Variants in DUOX1 observed in about 807,000 individuals in gnomAD.
DUOX1 encodes the protein dual oxidase 1.
DUOX1 carries 134 observed loss-of-function variants against 181.8 expected under a neutral mutation model. The ratio of observed to expected loss-of-function variants is 0.74; its 90% CI spans 0.64 to 0.85. The LOEUF (loss-of-function observed/expected upper bound fraction) is 0.85. DUOX1 is among the 40% of genes least tolerant of loss of function. DUOX1 has a pLI of 0.00. For synonymous variants in DUOX1, 798 were observed against 832.5 expected, an observed-to-expected ratio of 0.96 and a Z score of 0.71; for missense variants, 1,814 against 2,064.4, an observed-to-expected ratio of 0.88 and a Z score of 2.35.
chr15:45,139,237 A>T (rs1310955163), intron 11 of DUOX1, 69 bp downstream of exon 11: 1 of 1,610,684 alleles, frequency 6.2e-7, no homozygotes, highest in Admixed American at 1.7e-5. Flanking sequence ...CTGGACTTCC[A>T]GAACCAGGTA....
At chr15:45,147,262 G>A (rs1056381332) in intron 18 of DUOX1, among the ~76,000 whole-genome samples, 171 bp from the exon 19 acceptor site, 1 of 152,218 alleles carries the variant, frequency 6.6e-6, no homozygotes, top group Non-Finnish European at 1.5e-5. Flanking sequence ...AGCTAAGGCA[G>A]AGGGTCAGGG....
chr15:45,150,814 T>C (rs8041911), intron 22 of DUOX1, 113 bp downstream of exon 22: 217,622 of 1,023,650 alleles, frequency 0.21, 24,975 homozygotes, highest in Middle Eastern at 0.34. Context: ...TCAAACAAAT[T>C]AGAAAAGGAC....
chr15:45,153,643 A>G (rs1408760575), intron 26 of DUOX1, 164 bp downstream of exon 26: 2 of 765,200 alleles, frequency 2.6e-6, no homozygotes, highest in African/African-American at 1.7e-5. Context: ...GACCAGCCTG[A>G]GCCCCTAATG....
At position 45,162,370 on chromosome 15, in the gene DUOX1, G is replaced by A; in HGVS notation, c.4241G>A (p.Cys1414Tyr). 6.8e-6 allele frequency: 11 copies of A among 1,613,634 alleles called. No homozygotes were observed. Among genetic ancestry groups the A allele is most frequent in the Non-Finnish European group, 8.5e-6 (10 of 1,179,752 alleles). ...TCATCCGTCAGCTGCCAAGTGTTCTGTAAGAAGGTGAGTACTGCCCCCACT... is the reference window on the plus strand; with the variant it reads ...TCATCCGTCAGCTGCCAAGTGTTCTATAAGAAGGTGAGTACTGCCCCCACT... ...FKSSVSCQVF[C>Y]KKIYFIWVTR... The change falls in exon 31 of 34, where the codon TGT becomes TAT. Residue 1414 changes from cysteine (C) to tyrosine (Y), a missense_variant. Coordinates refer to ENST00000389037, the MANE Select transcript of DUOX1 (RefSeq NM_175940.3).
At chr15:45,133,756 C>T (rs949139491) in intron 2 of DUOX1, 108 bp from the exon 3 acceptor site, 1 of 942,564 alleles carries the variant, frequency 1.1e-6, no homozygotes, top group African/African-American at 1.6e-5. Context: ...CAGGTATCCA[C>T]TTTCTGCTGC....
chr15:45,134,286 G>A lies in DUOX1; in HGVS notation c.284G>A (p.Arg95His), dbSNP rs368066909. The A allele has an allele frequency of 2.7e-5, 44 of 1,603,248 alleles. No individual in the cohort carries two copies. Among genetic ancestry groups the A allele is most frequent in the African/African-American group, 1.5e-4 (11 of 73,992 alleles). Residue 95 changes from arginine to histidine, a missense_variant, in exon 4 of 34, where the codon CGC becomes CAC. Arg to His is a conservative substitution (Grantham distance 29). This residue lies in a region of DUOX1 where 320 missense variants were observed against 313.1 expected (regional missense o/e 1.02). Transcript: ENST00000389037. ...GPAGLASLRN[R>H]TVLGVFFGYH... Reference sequence around the variant, plus strand: ...GCAGGGCTGGCCTCCCTGAGAAACCGCACAGTGTTGGGGGTCTTCTTTGGT... The same window carrying A: ...GCAGGGCTGGCCTCCCTGAGAAACCACACAGTGTTGGGGGTCTTCTTTGGT...
At chr15:45,138,138 C>T (rs1483893504) in intron 10 of DUOX1, 124 bp downstream of exon 10, 9 of 632,536 alleles carry the variant, frequency 1.4e-5, no homozygotes, top group Non-Finnish European at 1.9e-5. Context: ...GTAAGGCTGA[C>T]GCAGGTAGCT....
chr15:45,164,725 G>C, intron 33 of DUOX1, 54 bp from the exon 34 acceptor site: 1 of 1,611,364 alleles, frequency 6.2e-7, no homozygotes, highest in Non-Finnish European at 8.5e-7. Context: ...TGAACACTGC[G>C]TTATCCCTGC....
intron 27 of DUOX1, among the ~76,000 whole-genome samples, chr15:45,154,594 GGT>G (rs1491501845): frequency 2.7e-5 from 1 of 36,910 alleles, no homozygotes; most frequent in Non-Finnish European, 7.6e-5. Flanking sequence ...AACACAGCAT[GGT>G]TTTTTTTTTT....
intron 22 of DUOX1, 27 bp downstream of exon 22, chr15:45,150,728 G>T (rs1896779706): frequency 1.2e-6 from 2 of 1,610,324 alleles, no homozygotes; most frequent in African/African-American, 1.3e-5. Flanking sequence ...GAATGTCGGG[G>T]GGAGGAGTTG....
intron 17 of DUOX1, among the ~76,000 whole-genome samples, 161 bp downstream of exon 17, chr15:45,144,396 T>C (rs1318084437): frequency 1.3e-5 from 2 of 152,222 alleles, no homozygotes; most frequent in African/African-American, 4.8e-5. Context: ...AGAGATAAAC[T>C]TGGACACGTT....
chr15:45,145,754 A>T (rs1896636736), intron 18 of DUOX1, among the ~76,000 whole-genome samples: 1 of 152,064 alleles, frequency 6.6e-6, no homozygotes, highest in Admixed American at 6.5e-5. Flanking sequence ...GTCTCTACTA[A>T]AAATACAAAA....
chr15:45,141,370 C>A lies in DUOX1; in HGVS notation c.1644C>A (p.Asp548Glu). 1.2e-6 allele frequency: 2 copies of A among 1,614,222 alleles called. No individual in the cohort carries two copies. The highest frequency in any genetic ancestry group is 1.7e-6 in the Non-Finnish European group (2 of 1,180,042). The change falls in exon 14 of 34, where the codon GAC (aspartate) becomes GAA (glutamate). Residue 548 changes from aspartate (D) to glutamate (E), a missense_variant. This residue lies in a region of DUOX1 where 1,064 missense variants were observed against 1,152.9 expected (regional missense o/e 0.92). Transcript: ENST00000389037. ...QDVLVAVINI[D>E]PSALQPNVFV... ...TGCTGGTCGCTGTTATCAACATTGA[C>A]CCCAGTGCTCTGCAGCCCAATGTCT...
intron 10 of DUOX1, 85 bp downstream of exon 10, chr15:45,138,099 TGTGTGTGA>T (rs1896382152): frequency 3.8e-6 from 4 of 1,053,832 alleles, no homozygotes; most frequent in East Asian, 2.9e-5. Flanking sequence ...TGTGTGTGTG[TGTGTGTGA>T]GTGCATGGTG....
At chr15:45,151,005 C>T in intron 22 of DUOX1, 118 bp from the exon 23 acceptor site, 1 of 1,421,722 alleles carries the variant, frequency 7.0e-7, no homozygotes, top group East Asian at 2.3e-5. Flanking sequence ...ATCCTGCTGT[C>T]CCCTTGCTGA....
chr15:45,161,255 A>G (rs958358995), intron 29 of DUOX1, among the ~76,000 whole-genome samples: 2 of 151,428 alleles, frequency 1.3e-5, no homozygotes, highest in African/African-American at 4.9e-5. Flanking sequence ...CTACCACAAA[A>G]AAAAAATACA....
intron 26 of DUOX1, 69 bp downstream of exon 26, chr15:45,153,548 A>G (rs1706805): frequency 0.15 from 30,225 of 206,906 alleles, 6,596 homozygotes; most frequent in Non-Finnish European, 0.2. Context: ...GTGTGTGTGT[A>G]TAATGGGGAG....
rs574323638 is a variant in DUOX1, at chr15:45,148,341, C to T, written c.2712C>T (p.Phe904=). 3.7e-6 allele frequency: 6 copies of T among 1,614,192 alleles called. No individual in the cohort carries two copies. The South Asian group carries it at 6.6e-5, about 18-fold the overall frequency. The change falls in exon 21 of 34, where the codon TTC becomes TTT. Residue 904 remains phenylalanine (F), a synonymous_variant. Transcript: ENST00000389037. ...AQLAEVVESM[F]RESGFQDKEE... is the part of the protein sequence containing the mutation. ...TGGCTGAGGTGGTGGAGTCCATGTT[C>T]CGGGAGTCGGGATTCCAGGACAAGG...
chr15:45,133,862 A>G lies in DUOX1; in HGVS notation c.59-2A>G. The stretch of plus-strand genomic sequence containing the variant: ...CTGCCCCTTCCCTCCATTCTCACAC[A>G]GGAGCTCAGAACCCCATTTCGTGGG... On this transcript the variant is annotated splice_acceptor_variant, in intron 2 of 33. Coordinates refer to ENST00000389037, the MANE Select transcript of DUOX1 (RefSeq NM_175940.3). LOFTEE classifies it high-confidence loss of function. 6.2e-7 allele frequency: 1 copy of G among 1,613,456 alleles called. No homozygotes were observed. The highest frequency in any genetic ancestry group is 8.5e-7 in the Non-Finnish European group (1 of 1,179,750).
Sources: allele counts gnomAD v4.1 joint callset (sites outside exome capture counted in the v4.1 genomes callset), GRCh38; gene constraint gnomAD v4.1.1; regional missense constraint gnomAD v4.1.1; transcripts MANE v1.5; gene names NCBI Gene and HGNC (gene_info 2026-07-23, HGNC 2026-07-21).